The following PTPRM variants were observed in gnomAD, a reference collection of about 807,000 sequenced individuals.
The protein encoded by PTPRM is receptor-type tyrosine-protein phosphatase mu.
PTPRM carries 47 observed loss-of-function variants against 186.7 expected under a neutral mutation model. That is an observed-to-expected ratio of 0.25 (90% CI 0.20 to 0.32). The LOEUF is 0.32. Ranked by LOEUF, PTPRM falls within the 10% of genes least tolerant of loss-of-function variation. The pLI is 1.00. For missense variants in PTPRM, 1,494 were observed against 1,865.0 expected (o/e 0.80, Z 3.66); for synonymous variants, 668 against 674.9 (o/e 0.99, Z 0.16).
chr18:8,217,793 C>T (rs1298911670), intron 14 of PTPRM, among the ~76,000 whole-genome samples: 1 of 152,174 alleles, frequency 6.6e-6, no homozygotes. Context: ...CCGTACATCA[C>T]TACACGTATA....
At chr18:7,750,219 C>G (rs908539595) in intron 1 of PTPRM, among the ~76,000 whole-genome samples, 1 of 152,092 alleles carries the variant, frequency 6.6e-6, no homozygotes, top group Non-Finnish European at 1.5e-5. Context: ...TTTTGATAAG[C>G]TAAATTTAAG....
chr18:7,955,291 A>T lies in PTPRM; in HGVS notation c.1009A>T (p.Ser337Cys), dbSNP rs759759281. The change falls in exon 7 of 33, where the codon AGC becomes TGC. Residue 337 changes from serine to cysteine, a missense_variant. Ser to Cys is a moderately radical substitution (Grantham distance 112). Transcript: ENST00000580170. ...WNDRQPVDST[S>C]YKIGHLDPDT... ...TGACCGGCAGCCAGTCGATTCCACG[A>T]GCTATAAAATTGGACACCTTGACCC... 2.5e-6 allele frequency: 4 copies of T among 1,614,172 alleles called. No homozygotes were observed. The highest frequency in any genetic ancestry group is 2.5e-6 in the Non-Finnish European group (3 of 1,180,038).
intron 1 of PTPRM, among the ~76,000 whole-genome samples, chr18:7,643,399 G>A (rs1253912137): frequency 2.0e-5 from 3 of 152,142 alleles, no homozygotes; most frequent in Non-Finnish European, 1.5e-5. Context: ...GAGTGCAGTG[G>A]TGCAATCTTG....
chr18:8,017,507 C>T (rs368314257), intron 7 of PTPRM, among the ~76,000 whole-genome samples: 5 of 138,052 alleles, frequency 3.6e-5, no homozygotes, highest in Non-Finnish European at 6.1e-5. Context: ...TGCTTGGACC[C>T]GGGAGGCAGA....
intron 6 of PTPRM, among the ~76,000 whole-genome samples, chr18:7,953,281 G>A (rs1350041716): frequency 1.3e-5 from 2 of 152,140 alleles, no homozygotes; most frequent in Non-Finnish European, 2.9e-5. Context: ...GTTTCATTTT[G>A]AATGGCAGTT....
rs1208555795 is a variant in PTPRM at position 7,637,502 on chromosome 18, CATTT to C, written c.73+69612_73+69615del. 3.9e-5 allele frequency among the ~76,000 whole-genome samples: 6 copies of C among 152,346 alleles called. No individual in the cohort carries two copies. In the South Asian group the frequency reaches 1.0e-3, roughly 26 times the overall value. On this transcript the variant is annotated intron_variant, in intron 1 of 32. Coordinates refer to ENST00000580170, the MANE Select transcript of PTPRM (RefSeq NM_001105244.2). ...CCACTAGCATTGGGGCCACCTCATT[CATTT>C]GTTTGCTCATTCAACAAATATTTAT... is the stretch of plus-strand genomic sequence containing the variant.
At chr18:7,939,550 A>G (rs1400787938) in intron 5 of PTPRM, among the ~76,000 whole-genome samples, 1 of 152,232 alleles carries the variant, frequency 6.6e-6, no homozygotes, top group Non-Finnish European at 1.5e-5. Context: ...ATTGAAATAC[A>G]TGCACATTTG....
At chr18:8,193,527 C>G (rs1173861621) in intron 14 of PTPRM, among the ~76,000 whole-genome samples, 1 of 152,210 alleles carries the variant, frequency 6.6e-6, no homozygotes, top group African/African-American at 2.4e-5. Flanking sequence ...CTATGGTCAG[C>G]TGTAATGAAC....
intron 4 of PTPRM, among the ~76,000 whole-genome samples, chr18:7,922,798 T>TG (rs35384241): frequency 0.27 from 40,546 of 151,882 alleles, 5,762 homozygotes; most frequent in East Asian, 0.44. Context: ...GTTTAACTTA[T>TG]AAAAAAAAGG....
At chr18:7,832,472 T>A (rs975022128) in intron 2 of PTPRM, among the ~76,000 whole-genome samples, 8 of 38,848 alleles carry the variant, frequency 2.1e-4, no homozygotes, top group Non-Finnish European at 5.9e-4. Flanking sequence ...ACTTATTAGA[T>A]ATTTTTCCTA....
At chr18:8,023,869 C>T (rs2085389031) in intron 7 of PTPRM, among the ~76,000 whole-genome samples, 1 of 101,776 alleles carries the variant, frequency 9.8e-6, no homozygotes, top group Admixed American at 1.1e-4. Flanking sequence ...CACACACACA[C>T]ACGCACACCC....
In PTPRM at chr18:7,913,089, A is replaced by G. The variant is rs1050037881; in HGVS notation, c.547+6506A>G. 7.7e-5 allele frequency among the ~76,000 whole-genome samples: 6 copies of G among 77,738 alleles called. No homozygotes were observed. In the South Asian group the frequency reaches 2.0e-3, roughly 26 times the overall value. The allele number at this position is 77,738 out of a possible 152,430, so 51.0% of individuals were successfully genotyped here. A position where few individuals can be genotyped will look rare whatever the true frequency, so the allele number is the denominator to read the frequency against. On this transcript the variant is annotated intron_variant, in intron 4 of 32. Transcript: ENST00000580170. ...TGTTAAATTTATTCCTAAGTATTTT[A>G]TTTTGAAGTTGTTTTAAGTAGAATT... is the stretch of plus-strand genomic sequence containing the variant.
At chr18:7,630,780 A>AT (rs2038172033) in intron 1 of PTPRM, among the ~76,000 whole-genome samples, 2 of 152,078 alleles carry the variant, frequency 1.3e-5, no homozygotes, top group Admixed American at 6.6e-5. Flanking sequence ...TTGTGAAGTA[A>AT]TTTTTTCAAA....
chr18:7,567,564 C>G lies in PTPRM; in HGVS notation c.-255C>G, dbSNP rs2036455770. On this transcript the variant is annotated 5_prime_UTR_variant, in exon 1 of 33. Coordinates refer to ENST00000580170, the MANE Select transcript of PTPRM (RefSeq NM_001105244.2). This position sits in a 1 kb window ranked among gnomAD's most constrained non-coding sequence, Gnocchi z 4.3. Reference sequence around the variant, plus strand: ...GATTTTGGCTCCGCGGGCTCGCCCTCCGCTCCCTCTGCCAGCGGCGCCAGA... The same window carrying G: ...GATTTTGGCTCCGCGGGCTCGCCCTGCGCTCCCTCTGCCAGCGGCGCCAGA... The G allele has an allele frequency of 2.6e-6, 1 of 383,384 alleles. No homozygotes were observed. Among genetic ancestry groups the G allele is most frequent in the South Asian group, 1.1e-4 (1 of 8,748 alleles). The allele number at this position is 383,384 out of a possible 1,614,324, so 23.7% of individuals were successfully genotyped here.
chr18:7,624,707 G>A (rs2038019413), intron 1 of PTPRM, among the ~76,000 whole-genome samples: 1 of 152,224 alleles, frequency 6.6e-6, no homozygotes, highest in African/African-American at 2.4e-5. Flanking sequence ...GAATTCCTGA[G>A]CTCAAGCAAT....
At chr18:7,781,720 CTGACACA>C (rs1420480282) in intron 2 of PTPRM, among the ~76,000 whole-genome samples, 6 of 152,152 alleles carry the variant, frequency 3.9e-5, no homozygotes, top group African/African-American at 1.2e-4. Flanking sequence ...GCATTTCCAT[CTGACACA>C]TTTCCTTTAT....
At chr18:8,196,989 A>G (rs546934766) in intron 14 of PTPRM, among the ~76,000 whole-genome samples, 8 of 152,348 alleles carry the variant, frequency 5.3e-5, no homozygotes, top group Middle Eastern at 3.4e-3. Flanking sequence ...TGGGTAGCCA[A>G]TTGGGAGTGT....
chr18:8,378,143 A>G, intron 26 of PTPRM, 122 bp from the exon 27 acceptor site: 1 of 1,002,960 alleles, frequency 1.0e-6, no homozygotes, highest in Non-Finnish European at 1.5e-6. Context: ...GAGCCCTTGG[A>G]CCGTGTTTCT....
At chr18:7,639,349 C>T (rs1055697547) in intron 1 of PTPRM, among the ~76,000 whole-genome samples, 4 of 151,080 alleles carry the variant, frequency 2.6e-5, no homozygotes, top group East Asian at 2.0e-4. Context: ...GGATTACAGG[C>T]GTGAGCCACC....
Sources: allele counts gnomAD v4.1 joint callset (sites outside exome capture counted in the v4.1 genomes callset), GRCh38; gene constraint gnomAD v4.1.1; non-coding constraint Gnocchi (gnomAD v3.1); transcripts MANE v1.5; gene names NCBI Gene and HGNC (gene_info 2026-07-23, HGNC 2026-07-21).